GIMAP8: variants seen among roughly 807,000 people sequenced by gnomAD.
GIMAP8 encodes GTPase, IMAP family member 8.
Under a neutral mutation model 35.6 loss-of-function variants are expected in GIMAP8, and 29 were observed. That is an observed-to-expected ratio of 0.81 (90% CI 0.61 to 1.11). The LOEUF (loss-of-function observed/expected upper bound fraction) is 1.11, where lower values mean the gene tolerates loss of function less well. Among genes scored for constraint, GIMAP8 ranks in the 50% most tolerant of loss-of-function variants. GIMAP8 has a pLI of 0.00. For missense variants in GIMAP8, 811 were observed against 805.0 expected (o/e 1.01, Z -0.09); for synonymous variants, 335 against 308.7 (o/e 1.09, Z -0.89).
At position 150,451,934 on chromosome 7, in the gene GIMAP8, T is replaced by C. The variant is rs1563278138; in HGVS notation, c.-29+759T>C. 6.6e-6 allele frequency among the ~76,000 whole-genome samples: 1 copy of C among 152,200 alleles called. No individual in the cohort carries two copies. The highest frequency in any genetic ancestry group is 1.5e-5 in the Non-Finnish European group (1 of 68,034). On this transcript the variant is annotated intron_variant, in intron 1 of 4. Transcript: ENST00000307271. This position sits in a 1 kb window ranked among gnomAD's most constrained non-coding sequence, Gnocchi z 4.1. ...GCTGGGTCTAAGGTCTTCCCCACGC[T>C]GGGCTCTGGAGGCATCTCCAACCAC...
intron 1 of GIMAP8, among the ~76,000 whole-genome samples, chr7:150,453,202 G>C (rs534925713): frequency 5.9e-5 from 9 of 152,370 alleles, no homozygotes; most frequent in Non-Finnish European, 1.2e-4. Context: ...TAGGGCATTA[G>C]TGTGAGAGCT....
chr7:150,477,351 A>G lies in GIMAP8; in HGVS notation c.1569A>G (p.Lys523=). The G allele has an allele frequency of 6.2e-7, 1 of 1,614,194 alleles. No individual in the cohort carries two copies. The highest frequency in any genetic ancestry group is 1.1e-5 in the South Asian group (1 of 91,082). ...EVKRCLSCCE[K]GDTFFVLVFQ... ...AGCGCTGTTTGTCCTGCTGTGAAAAAGGGGACACATTTTTTGTCCTGGTGT... is the reference window on the plus strand; with the variant it reads ...AGCGCTGTTTGTCCTGCTGTGAAAAGGGGGACACATTTTTTGTCCTGGTGT... Residue 523 remains lysine, a synonymous_variant, in exon 5 of 5, where the codon AAA becomes AAG. Transcript: ENST00000307271.
intron 1 of GIMAP8, among the ~76,000 whole-genome samples, chr7:150,456,983 C>A (rs1330531897): frequency 6.6e-6 from 1 of 152,174 alleles, no homozygotes; most frequent in Non-Finnish European, 1.5e-5. Context: ...GAGACCCCAA[C>A]CCAGTGGTGC....
intron 2 of GIMAP8, among the ~76,000 whole-genome samples, chr7:150,469,394 G>A (rs1271417919): frequency 6.6e-6 from 1 of 152,164 alleles, no homozygotes; most frequent in East Asian, 1.9e-4. Flanking sequence ...CACATCAAGT[G>A]ATTTCACTGG....
intron 3 of GIMAP8, among the ~76,000 whole-genome samples, chr7:150,473,290 G>T (rs555281220): frequency 6.6e-6 from 1 of 151,952 alleles, no homozygotes; most frequent in African/African-American, 2.4e-5. Flanking sequence ...ATTGAGGTAC[G>T]ATTTACACAG....
chr7:150,474,979 G>GT, intron 4 of GIMAP8, among the ~76,000 whole-genome samples: 1 of 151,810 alleles, frequency 6.6e-6, no homozygotes, highest in Non-Finnish European at 1.5e-5. Flanking sequence ...GCGGTGTTTG[G>GT]TTTTTTGTTC....
At chr7:150,463,823 C>T (rs1398706667) in intron 1 of GIMAP8, among the ~76,000 whole-genome samples, 1 of 152,122 alleles carries the variant, frequency 6.6e-6, no homozygotes, top group Admixed American at 6.5e-5. Flanking sequence ...AGGTGGAGGA[C>T]CCGAGTAGGC....
At chr7:150,470,757 TTTTTTTTTTTTCA>T in intron 2 of GIMAP8, 59 bp from the exon 3 acceptor site, 15 of 698,882 alleles carry the variant, frequency 2.1e-5, no homozygotes, top group Non-Finnish European at 3.1e-5. Flanking sequence ...TTTTTTTTTT[TTTTTTTTTTTTCA>T]GTTTGTGGAA....
At chr7:150,465,116 T>G (rs1456923986) in intron 1 of GIMAP8, among the ~76,000 whole-genome samples, 2 of 152,204 alleles carry the variant, frequency 1.3e-5, no homozygotes, top group Non-Finnish European at 2.9e-5. Flanking sequence ...GGAGCAGGCT[T>G]GGTGAGAACA....
intron 1 of GIMAP8, among the ~76,000 whole-genome samples, chr7:150,454,301 G>A (rs1165361964): frequency 6.6e-6 from 1 of 152,162 alleles, no homozygotes; most frequent in Non-Finnish European, 1.5e-5. Flanking sequence ...GACATTACCT[G>A]TCTCTTGTTT....
At chr7:150,475,962 A>G (rs1802218331) in intron 4 of GIMAP8, among the ~76,000 whole-genome samples, 1 of 152,240 alleles carries the variant, frequency 6.6e-6, no homozygotes, top group Non-Finnish European at 1.5e-5. Flanking sequence ...TTCCAAGAAC[A>G]TTGAAGATTA....
intron 1 of GIMAP8, among the ~76,000 whole-genome samples, chr7:150,453,916 C>G (rs922478138): frequency 6.8e-6 from 1 of 147,250 alleles, no homozygotes; most frequent in Admixed American, 6.7e-5. Context: ...GTGGCAGTGG[C>G]GGGTGCTAGG....
Position 150,466,981 on chromosome 7 carries a change from C to G in GIMAP8, c.283C>G (p.His95Asp). The change falls in exon 2 of 5, where the codon CAT (histidine) becomes GAT (aspartate). Residue 95 changes from histidine (H) to aspartate (D), a missense_variant. Physicochemically the swap from His to Asp is moderately conservative, Grantham distance 81. Coordinates refer to ENST00000307271, the MANE Select transcript of GIMAP8 (RefSeq NM_175571.4). ...HCLELSAPSL[H>D]ALLLVIAIGH... ...CTTGGAGCTCTCTGCTCCCAGCCTCCATGCTCTGCTCTTGGTAATTGCCAT... is the reference window on the plus strand; with the variant it reads ...CTTGGAGCTCTCTGCTCCCAGCCTCGATGCTCTGCTCTTGGTAATTGCCAT... 1 of 1,614,238 alleles carries G rather than the reference C, an allele frequency of 6.2e-7. No homozygotes were observed. The highest frequency in any genetic ancestry group is 1.3e-5 in the African/African-American group (1 of 75,066).
chr7:150,473,910 C>T, intron 3 of GIMAP8, 102 bp from the exon 4 acceptor site: 2 of 1,229,212 alleles, frequency 1.6e-6, no homozygotes, highest in Non-Finnish European at 2.3e-6. Flanking sequence ...CGTGTTGTTG[C>T]CATTCTCTAT....
rs1472049571 is a variant in GIMAP8, at chr7:150,474,117, C to T, written c.788C>T (p.Ala263Val). ...VGKRGAGKSA[A>V]GNSILGRQAF... ...AAACGCGGTGCTGGAAAAAGTGCAG[C>T]AGGAAACAGCATTCTGGGGAGGCAG... The change falls in exon 4 of 5, where the codon GCA becomes GTA. Residue 263 changes from alanine to valine, a missense_variant. Transcript: ENST00000307271. The T allele has an allele frequency of 1.2e-6, 2 of 1,614,164 alleles. No individual in the cohort carries two copies. The highest frequency in any genetic ancestry group is 3.3e-5 in the Admixed American group (2 of 60,026).
At chr7:150,476,439 G>A (rs60159815) in intron 4 of GIMAP8, among the ~76,000 whole-genome samples, 3,552 of 152,290 alleles carry the variant, frequency 0.023, 143 homozygotes, top group African/African-American at 0.081. Context: ...ACACCCAACA[G>A]TGTTAGTGGA....
chr7:150,471,586 C>G (rs1802091239), intron 3 of GIMAP8, among the ~76,000 whole-genome samples: 1 of 152,146 alleles, frequency 6.6e-6, no homozygotes, highest in Non-Finnish European at 1.5e-5. Context: ...CCTGTAATCC[C>G]AGCACTTTGG....
chr7:150,453,058 G>A (rs1372055056), intron 1 of GIMAP8, among the ~76,000 whole-genome samples: 2 of 151,898 alleles, frequency 1.3e-5, no homozygotes, highest in African/African-American at 4.8e-5. Context: ...AGCACATGCT[G>A]TTATGGAGCT....
At position 150,477,888 on chromosome 7, in the gene GIMAP8, G is replaced by A; in HGVS notation, c.*108G>A. 5 of 798,780 alleles carry A rather than the reference G, an allele frequency of 6.3e-6. No homozygotes were observed. Among genetic ancestry groups the A allele is most frequent in the Non-Finnish European group, 8.0e-6 (4 of 502,770 alleles). 49.5% of individuals were successfully genotyped at this position (798,780 alleles called of 1,614,324 possible). On this transcript the variant is annotated 3_prime_UTR_variant, in exon 5 of 5. Transcript: ENST00000307271. Reference sequence around the variant, plus strand: ...AGGGAAGCGGGTTCATGGCTTTGAGGGCCTGAGAGGCAAATGCATCCCGCC... The same window carrying A: ...AGGGAAGCGGGTTCATGGCTTTGAGAGCCTGAGAGGCAAATGCATCCCGCC...
Sources: allele counts gnomAD v4.1 joint callset (sites outside exome capture counted in the v4.1 genomes callset), GRCh38; gene constraint gnomAD v4.1.1; non-coding constraint Gnocchi (gnomAD v3.1); transcripts MANE v1.5; gene names NCBI Gene and HGNC (gene_info 2026-07-23, HGNC 2026-07-21).